Variants in FMR1NB observed in about 807,000 individuals in gnomAD.
The protein encoded by FMR1NB is FMR1 neighbor, also known as FMR1 neighbor protein.
FMR1NB carries 10 observed loss-of-function variants against 16.8 expected under a neutral mutation model. The observed-to-expected ratio is 0.60, with a 90% CI of 0.37 to 1.01. The LOEUF (loss-of-function observed/expected upper bound fraction) is 1.01, where lower values mean the gene tolerates loss of function less well. Ranked by LOEUF, FMR1NB falls within the 50% of genes least tolerant of loss-of-function variation. FMR1NB has a pLI of 0.01. For missense variants in FMR1NB, 205 were observed against 204.8 expected, an observed-to-expected ratio of 1.00 and a Z score of 0.00; for synonymous variants, 83 against 79.1, an observed-to-expected ratio of 1.05 and a Z score of -0.26.
intron 5 of FMR1NB, 105 bp downstream of exon 5, chrX:148,025,118 C>A: frequency 1.1e-6 from 1 of 916,315 alleles, no homozygotes; most frequent in Non-Finnish European, 1.5e-6. Context: ...TTTTTAACCA[C>A]ACAAATGTTT....
At position 148,008,670 on chromosome X, in the gene FMR1NB, G is replaced by C; in HGVS notation, c.591G>C (p.Leu197=). 1 of 1,211,642 alleles carries C rather than the reference G, an allele frequency of 8.3e-7. No homozygotes were observed. ...GGCTTGGTGCGATCAGCCTTATCCT[G>C]GTATGTCTGCCCATTTATTGCCGCT... ...MFGLGAISLI[L]VCLPIYCRSL... is the part of the protein sequence containing the mutation. The change falls in exon 4 of 6, where the codon CTG becomes CTC. Residue 197 remains leucine (L), a synonymous_variant. Coordinates refer to ENST00000370467, the MANE Select transcript of FMR1NB (RefSeq NM_152578.3).
chrX:147,982,676 G>C (rs2044456247), intron 1 of FMR1NB, among the ~76,000 whole-genome samples: 1 of 106,837 alleles, frequency 9.4e-6, no homozygotes, highest in Admixed American at 1.0e-4. Context: ...GGTGGATCAC[G>C]AGGTCAGGAG....
intron 4 of FMR1NB, among the ~76,000 whole-genome samples, chrX:148,018,088 A>G (rs1221134511): frequency 1.8e-5 from 2 of 108,716 alleles, no homozygotes; most frequent in African/African-American, 6.9e-5. Context: ...TGGTATTTCT[A>G]GTTCTAGATC....
chrX:148,012,841 T>G (rs180997003), intron 4 of FMR1NB, among the ~76,000 whole-genome samples: 43 of 112,322 alleles, frequency 3.8e-4, no homozygotes, highest in South Asian at 1.1e-3. Flanking sequence ...CATTTTCAAT[T>G]TCCCATGTTT....
chrX:147,997,117 G>A (rs2044545745), intron 1 of FMR1NB, among the ~76,000 whole-genome samples: 1 of 111,484 alleles, frequency 9.0e-6, no homozygotes, highest in Non-Finnish European at 1.9e-5. Flanking sequence ...GGAGGCAATT[G>A]TCCCAGGGAA....
rs782011038 is a variant in FMR1NB, at chrX:148,008,689, T to C, written c.610T>C (p.Cys204Arg). The change falls in exon 4 of 6, where the codon TGC (cysteine) becomes CGC (arginine). Residue 204 changes from cysteine to arginine, a missense_variant. Cys to Arg is a radical substitution (Grantham distance 180). Coordinates refer to ENST00000370467, the MANE Select transcript of FMR1NB (RefSeq NM_152578.3). ...TATCCTGGTATGTCTGCCCATTTAT[T>C]GCCGCTCTCTTTTCTGGAGGAGGTA... Reference protein sequence around the residue: ...SLILVCLPIYCRSLFWRSEPA... With the variant: ...SLILVCLPIYRRSLFWRSEPA... The C allele has an allele frequency of 8.3e-7, 1 of 1,211,678 alleles. No individual in the cohort carries two copies. Among genetic ancestry groups the C allele is most frequent in the Non-Finnish European group, 1.1e-6 (1 of 895,308 alleles).
At chrX:148,000,258 G>C in intron 1 of FMR1NB, among the ~76,000 whole-genome samples, 1 of 111,794 alleles carries the variant, frequency 8.9e-6, no homozygotes, top group Non-Finnish European at 1.9e-5. Flanking sequence ...AGAAGCAAAA[G>C]ATAAAGAACT....
chrX:147,993,620 A>G (rs1252050074), intron 1 of FMR1NB, among the ~76,000 whole-genome samples: 1 of 108,900 alleles, frequency 9.2e-6, no homozygotes, highest in Non-Finnish European at 1.9e-5. Context: ...TCAGTCCCTT[A>G]CTTCCCTTCT....
chrX:148,013,291 C>T (rs1312839282), intron 4 of FMR1NB, among the ~76,000 whole-genome samples: 1 of 111,713 alleles, frequency 9.0e-6, no homozygotes, highest in Non-Finnish European at 1.9e-5. Context: ...CTAATAACTT[C>T]ATTGCAAAAT....
chrX:148,006,654 G>C (rs1048680979), intron 2 of FMR1NB, 48 bp from the exon 3 acceptor site: 1 of 1,158,469 alleles, frequency 8.6e-7, no homozygotes, highest in Non-Finnish European at 1.2e-6. Context: ...AGGGAAAGTG[G>C]TAACTAACCA....
chrX:148,001,131 A>G (rs1385679660), intron 1 of FMR1NB, among the ~76,000 whole-genome samples: 1 of 112,169 alleles, frequency 8.9e-6, no homozygotes, highest in Non-Finnish European at 1.9e-5. Context: ...GATGCCTGGG[A>G]ATAAATGTAC....
intron 1 of FMR1NB, among the ~76,000 whole-genome samples, chrX:147,998,190 A>G (rs782025008): frequency 8.9e-6 from 1 of 112,544 alleles, no homozygotes; most frequent in African/African-American, 3.2e-5. Flanking sequence ...AATAGCAAAG[A>G]CTTGGAACCA....
At chrX:148,017,863 G>A (rs1400667430) in intron 4 of FMR1NB, among the ~76,000 whole-genome samples, 27 of 104,091 alleles carry the variant, frequency 2.6e-4, no homozygotes, top group African/African-American at 8.2e-4. Context: ...TACAAAGGAC[G>A]TGAACTCATC....
chrX:148,026,352 A>T (rs2044703546), intron 5 of FMR1NB, 150 bp from the exon 6 acceptor site: 1 of 111,973 alleles, frequency 8.9e-6, no homozygotes, highest in African/African-American at 3.2e-5. Flanking sequence ...AAGATGATGT[A>T]CTGGCAAACT....
chrX:148,019,379 G>A (rs2124628169), intron 4 of FMR1NB, among the ~76,000 whole-genome samples: 1 of 112,323 alleles, frequency 8.9e-6, no homozygotes, highest in Non-Finnish European at 1.9e-5. Context: ...AAGATAATAT[G>A]TCTTTGTTTC....
intron 2 of FMR1NB, among the ~76,000 whole-genome samples, chrX:148,006,482 A>G (rs1417848119): frequency 2.7e-5 from 3 of 112,469 alleles, no homozygotes; most frequent in Non-Finnish European, 5.6e-5. Context: ...ATTTTTTAAC[A>G]ACTTGTAATT....
chrX:148,006,613 T>C (rs2044597485), intron 2 of FMR1NB, 89 bp from the exon 3 acceptor site: 1 of 1,012,663 alleles, frequency 9.9e-7, no homozygotes, highest in African/African-American at 1.9e-5. Context: ...ATGTTTGCTT[T>C]TCTTCTTTGT....
At chrX:148,019,055 G>A (rs1422731022) in intron 4 of FMR1NB, among the ~76,000 whole-genome samples, 1 of 112,179 alleles carries the variant, frequency 8.9e-6, no homozygotes, top group South Asian at 3.7e-4. Context: ...TCTAGATGTT[G>A]TAGGCATGTT....
At chrX:147,994,431 G>C (rs1603074725) in intron 1 of FMR1NB, among the ~76,000 whole-genome samples, 1 of 112,226 alleles carries the variant, frequency 8.9e-6, no homozygotes, top group Admixed American at 9.4e-5. Flanking sequence ...AAAATGTTAA[G>C]ATATTTTTAA....
Sources: allele counts gnomAD v4.1 joint callset (sites outside exome capture counted in the v4.1 genomes callset), GRCh38; gene constraint gnomAD v4.1.1; transcripts MANE v1.5; gene names NCBI Gene and HGNC (gene_info 2026-07-23, HGNC 2026-07-21).